The following DERA variants were observed in gnomAD, a reference collection of about 807,000 sequenced individuals.
The protein encoded by DERA is deoxyribose-phosphate aldolase, also known as 2-deoxy-D-ribose 5-phosphate aldolase.
A neutral mutation model predicts 41.1 loss-of-function variants in DERA; 15 were observed. That is an observed-to-expected ratio of 0.37 (90% CI 0.24 to 0.56). DERA has a LOEUF of 0.56. DERA is among the 20% of genes least tolerant of loss of function. DERA has a pLI of 0.81. For missense variants in DERA, 396 were observed against 403.4 expected (o/e 0.98, Z 0.16); for synonymous variants, 139 against 137.4 (o/e 1.01, Z -0.08).
chr12:15,982,660 C>T lies in DERA; in HGVS notation c.637+224C>T, dbSNP rs114566851. On this transcript the variant is annotated intron_variant, in intron 6 of 8. Transcript: ENST00000428559. The surrounding 1 kb of genome is among the most constrained non-coding windows in gnomAD (Gnocchi z 4.0). ...GTGTGTGTGGCATTTCATTGCTGCACTATGCTTATAAGGCAGTAGATGGCT... is the reference window on the plus strand; with the variant it reads ...GTGTGTGTGGCATTTCATTGCTGCATTATGCTTATAAGGCAGTAGATGGCT... 0.018 allele frequency among the ~76,000 whole-genome samples: 2,718 copies of T among 152,214 alleles called. 88 individuals carry two copies. The highest frequency in any genetic ancestry group is 0.063 in the African/African-American group (2,600 of 41,514).
chr12:15,976,582 A>G lies in DERA; in HGVS notation c.509-5726A>G, dbSNP rs1014548413. ...GCTCCCAAAGATAGAGTTCAGAATCATCTTTCTAAATCAACAAGAGGCTCT... is the reference window on the plus strand; with the variant it reads ...GCTCCCAAAGATAGAGTTCAGAATCGTCTTTCTAAATCAACAAGAGGCTCT... On this transcript the variant is annotated intron_variant, in intron 5 of 8. Coordinates refer to ENST00000428559, the MANE Select transcript of DERA (RefSeq NM_015954.4). The surrounding 1 kb of genome is among the most constrained non-coding windows in gnomAD (Gnocchi z 4.1). 6.6e-5 allele frequency among the ~76,000 whole-genome samples: 10 copies of G among 152,200 alleles called. No individual in the cohort carries two copies. Among genetic ancestry groups the G allele is most frequent in the African/African-American group, 2.2e-4 (9 of 41,448 alleles).
rs996331184 is a variant in DERA, at chr12:15,983,814, G to A, written c.637+1378G>A. Among the ~76,000 whole-genome samples, 4 of 152,240 alleles carry A rather than the reference G, an allele frequency of 2.6e-5. No individual in the cohort carries two copies. The highest frequency in any genetic ancestry group is 2.6e-4 in the Admixed American group (4 of 15,292). On this transcript the variant is annotated intron_variant, in intron 6 of 8. Coordinates refer to ENST00000428559, the MANE Select transcript of DERA (RefSeq NM_015954.4). This position sits in a 1 kb window ranked among gnomAD's most constrained non-coding sequence, Gnocchi z 6.2. ...TAGTCAGCAATGGTGCTGTTGCTCT[G>A]GGCACAACTGCTGTATCTAGAAAAT...
chr12:15,924,516 T>A lies in DERA; in HGVS notation c.31+13102T>A, dbSNP rs1948268173. Among the ~76,000 whole-genome samples the A allele has an allele frequency of 6.6e-6, 1 of 152,242 alleles. No individual in the cohort carries two copies. Among genetic ancestry groups the A allele is most frequent in the Non-Finnish European group, 1.5e-5 (1 of 68,046 alleles). Reference sequence around the variant, plus strand: ...CTTGGGTTTTTGAATTATAGAGATCTGTGTTTCCATCTTAGCCCTGACAAG... The same window carrying A: ...CTTGGGTTTTTGAATTATAGAGATCAGTGTTTCCATCTTAGCCCTGACAAG... On this transcript the variant is annotated intron_variant, in intron 1 of 8. Coordinates refer to ENST00000428559, the MANE Select transcript of DERA (RefSeq NM_015954.4). The surrounding 1 kb of genome is among the most constrained non-coding windows in gnomAD (Gnocchi z 5.0).
intron 6 of DERA, among the ~76,000 whole-genome samples, chr12:16,005,753 A>T (rs1948906087): frequency 6.6e-6 from 1 of 152,218 alleles, no homozygotes; most frequent in Non-Finnish European, 1.5e-5. Context: ...AGTATGGCTA[A>T]GTTCTTCTCG....
Position 15,918,614 on chromosome 12 carries a change from G to T in DERA, c.31+7200G>T, listed in dbSNP as rs1565582788. Among the ~76,000 whole-genome samples, 1 of 152,192 alleles carries T rather than the reference G, an allele frequency of 6.6e-6. No homozygotes were observed. Among genetic ancestry groups the T allele is most frequent in the Non-Finnish European group, 1.5e-5 (1 of 68,042 alleles). Reference sequence around the variant, plus strand: ...TATTTTAAAAACCTTTATGTGGAGTGCCTGCTGTTCCTGGCACTTGTTACT... The same window carrying T: ...TATTTTAAAAACCTTTATGTGGAGTTCCTGCTGTTCCTGGCACTTGTTACT... On this transcript the variant is annotated intron_variant, in intron 1 of 8. Coordinates refer to ENST00000428559, the MANE Select transcript of DERA (RefSeq NM_015954.4). The surrounding 1 kb of genome is among the most constrained non-coding windows in gnomAD (Gnocchi z 4.3).
chr12:16,014,866 C>T lies in DERA; in HGVS notation c.638-17676C>T, dbSNP rs924339714. Among the ~76,000 whole-genome samples, 1 of 152,216 alleles carries T rather than the reference C, an allele frequency of 6.6e-6. No individual in the cohort carries two copies. The highest frequency in any genetic ancestry group is 1.5e-5 in the Non-Finnish European group (1 of 68,034). On this transcript the variant is annotated intron_variant, in intron 6 of 8. Transcript: ENST00000428559. The surrounding 1 kb of genome is among the most constrained non-coding windows in gnomAD (Gnocchi z 5.4). ...GGAGCTGCCCAAGACCATTGGAACCCACCTCTGCATCAGCGTGACCTTGAT... is the reference window on the plus strand; with the variant it reads ...GGAGCTGCCCAAGACCATTGGAACCTACCTCTGCATCAGCGTGACCTTGAT...
Position 15,913,688 on chromosome 12 carries a change from T to C in DERA, c.31+2274T>C, listed in dbSNP as rs1351480477. On this transcript the variant is annotated intron_variant, in intron 1 of 8. Coordinates refer to ENST00000428559, the MANE Select transcript of DERA (RefSeq NM_015954.4). This position sits in a 1 kb window ranked among gnomAD's most constrained non-coding sequence, Gnocchi z 4.5. ...GGACTTAAAAAAACATTGAGTTCCTTTGAGACTAAACCTGACCCTCATGAT... is the reference window on the plus strand; with the variant it reads ...GGACTTAAAAAAACATTGAGTTCCTCTGAGACTAAACCTGACCCTCATGAT... Among the ~76,000 whole-genome samples, 1 of 152,198 alleles carries C rather than the reference T, an allele frequency of 6.6e-6. No homozygotes were observed. Among genetic ancestry groups the C allele is most frequent in the Non-Finnish European group, 1.5e-5 (1 of 68,042 alleles).
intron 1 of DERA, among the ~76,000 whole-genome samples, chr12:15,937,215 C>T (rs2136134175): frequency 6.6e-6 from 1 of 152,284 alleles, no homozygotes; most frequent in South Asian, 2.1e-4. Context: ...CTTGGCTTTC[C>T]AAAGTGCTAA....
Position 16,036,503 on chromosome 12 carries a change from C to G in DERA, c.900+122C>G. 8.1e-7 allele frequency: 1 copy of G among 1,232,126 alleles called. No individual in the cohort carries two copies. The highest frequency in any genetic ancestry group is 1.1e-6 in the Non-Finnish European group (1 of 892,596). 76.3% of individuals were successfully genotyped at this position (1,232,126 alleles called of 1,614,324 possible). ...GATTGACCTCATCCTACCCAATCCT[C>G]TACCTTTTCTTCCAAGCAAACCGCC... is the stretch of plus-strand genomic sequence containing the variant. On this transcript the variant is annotated intron_variant, in intron 8 of 8. Transcript: ENST00000428559. The surrounding 1 kb of genome is among the most constrained non-coding windows in gnomAD (Gnocchi z 4.9).
chr12:16,025,912 C>T (rs1477667760), intron 6 of DERA, among the ~76,000 whole-genome samples: 1 of 151,904 alleles, frequency 6.6e-6, no homozygotes, highest in Non-Finnish European at 1.5e-5. Flanking sequence ...TGAAAGATCC[C>T]CAAATGTTTG....
chr12:15,935,313 C>G lies in DERA; in HGVS notation c.32-21623C>G, dbSNP rs1366805121. On this transcript the variant is annotated intron_variant, in intron 1 of 8. Transcript: ENST00000428559. This position sits in a 1 kb window ranked among gnomAD's most constrained non-coding sequence, Gnocchi z 4.8. ...ACCACCCTGGGCAACATGGCAAAAC[C>G]CTGTCTCTACAAAAAATATAAAAAT... Among the ~76,000 whole-genome samples, 6 of 151,962 alleles carry G rather than the reference C, an allele frequency of 3.9e-5. No homozygotes were observed. Among genetic ancestry groups the G allele is most frequent in the Non-Finnish European group, 7.4e-5 (5 of 67,986 alleles).
At position 15,911,480 on chromosome 12, in the gene DERA, G is replaced by GGCCTGCTGCCGCCCAGT; in HGVS notation, c.31+70_31+86dup. The GGCCTGCTGCCGCCCAGT allele has an allele frequency of 7.3e-7, 1 of 1,376,512 alleles. No individual in the cohort carries two copies. Among genetic ancestry groups the GGCCTGCTGCCGCCCAGT allele is most frequent in the Non-Finnish European group, 9.5e-7 (1 of 1,053,566 alleles). 85.3% of individuals were successfully genotyped at this position (1,376,512 alleles called of 1,614,324 possible). A position where few individuals can be genotyped will look rare whatever the true frequency, so the allele number is the denominator to read the frequency against. On this transcript the variant is annotated intron_variant, in intron 1 of 8. Transcript: ENST00000428559. This position sits in a 1 kb window ranked among gnomAD's most constrained non-coding sequence, Gnocchi z 4.5. ...TTCAGCGCCGCCGGGACTAGCGCGGGGCCTGCTGCCGCCCAGTGCCCTGGC... is the reference window on the plus strand; with the variant it reads ...TTCAGCGCCGCCGGGACTAGCGCGGGGCCTGCTGCCGCCCAGTGCCTGCTGCCGCCCAGTGCCCTGGC...
Position 15,978,856 on chromosome 12 carries a change from C to T in DERA, c.509-3452C>T, listed in dbSNP as rs118145751. 1.7e-3 allele frequency among the ~76,000 whole-genome samples: 254 copies of T among 152,270 alleles called. 6 individuals carry two copies. The East Asian group carries it at 0.045, about 27-fold the overall frequency. On this transcript the variant is annotated intron_variant, in intron 5 of 8. Coordinates refer to ENST00000428559, the MANE Select transcript of DERA (RefSeq NM_015954.4). ...AACTTTGAAAACAGGAACTGACATT[C>T]CTTGAGCATGAACAATGTGCTGGAT...
rs1949017242 is a variant in DERA at position 16,021,538 on chromosome 12, T to C, written c.638-11004T>C. On this transcript the variant is annotated intron_variant, in intron 6 of 8. Transcript: ENST00000428559. This position sits in a 1 kb window ranked among gnomAD's most constrained non-coding sequence, Gnocchi z 5.3. ...CCACACAGAGTCTCCACTGCAGCGC[T>C]GTCTTAGTGGAATTGTGGGAATGGG... Among the ~76,000 whole-genome samples, 1 of 152,196 alleles carries C rather than the reference T, an allele frequency of 6.6e-6. No homozygotes were observed. The highest frequency in any genetic ancestry group is 1.5e-5 in the Non-Finnish European group (1 of 68,030).
intron 1 of DERA, among the ~76,000 whole-genome samples, chr12:15,930,949 G>C (rs1200785471): frequency 6.6e-6 from 1 of 152,120 alleles, no homozygotes; most frequent in Non-Finnish European, 1.5e-5. Flanking sequence ...AGGGCAGTAA[G>C]TTTCAGGAAA....
intron 1 of DERA, 187 bp from the exon 2 acceptor site, chr12:15,956,749 A>G: frequency 1.5e-6 from 1 of 683,480 alleles, no homozygotes; most frequent in Non-Finnish European, 2.7e-6. Context: ...TGCATGAAGT[A>G]TGCCTTTTGT....
rs755843044 is a variant in DERA at position 15,962,902 on chromosome 12, G to A, written c.463G>A (p.Asp155Asn). 6.9e-6 allele frequency: 11 copies of A among 1,599,970 alleles called. No homozygotes were observed. The highest frequency in any genetic ancestry group is 3.3e-4 in the Middle Eastern group (2 of 6,070). Residue 155 changes from aspartate (D) to asparagine (N), a missense_variant, in exon 5 of 9, where the codon GAC becomes AAC. Asp to Asn is a conservative substitution (Grantham distance 23). Transcript: ENST00000428559. ...LAVEDGATEI[D>N]VVINRSLVLT... is the part of the protein sequence containing the mutation. ...TGTGGAAGATGGAGCTACAGAAATC[G>A]ACGTGGTAATTAACAGAAGCTTGGT...
In DERA at chr12:15,998,070, A is replaced by G. The variant is rs1227317805; in HGVS notation, c.637+15634A>G. Among the ~76,000 whole-genome samples the G allele has an allele frequency of 6.6e-6, 1 of 152,242 alleles. No individual in the cohort carries two copies. The highest frequency in any genetic ancestry group is 6.5e-5 in the Admixed American group (1 of 15,292). On this transcript the variant is annotated intron_variant, in intron 6 of 8. Coordinates refer to ENST00000428559, the MANE Select transcript of DERA (RefSeq NM_015954.4). The surrounding 1 kb of genome is among the most constrained non-coding windows in gnomAD (Gnocchi z 4.8). Reference sequence around the variant, plus strand: ...TAACTAAAGTCAAAACACAGAGTCTAGAACAAGGTTCTCAACCTGGGCTGC... The same window carrying G: ...TAACTAAAGTCAAAACACAGAGTCTGGAACAAGGTTCTCAACCTGGGCTGC...
rs575380396 is a variant in DERA at position 15,976,717 on chromosome 12, T to C, written c.509-5591T>C. The stretch of plus-strand genomic sequence containing the variant: ...CTGAAGGAAAAATGATTGATTACCT[T>C]CCTAACCGTTTTAATACTTTTATAT... On this transcript the variant is annotated intron_variant, in intron 5 of 8. Transcript: ENST00000428559. This position sits in a 1 kb window ranked among gnomAD's most constrained non-coding sequence, Gnocchi z 4.1. Among the ~76,000 whole-genome samples, 2 of 152,204 alleles carry C rather than the reference T, an allele frequency of 1.3e-5. No homozygotes were observed. Among genetic ancestry groups the C allele is most frequent in the Non-Finnish European group, 2.9e-5 (2 of 68,050 alleles).
Sources: gnomAD v4.1 joint callset for allele counts (sites outside exome capture counted in the v4.1 genomes callset) on GRCh38, gnomAD v4.1.1 for gene constraint, Gnocchi (gnomAD v3.1) non-coding constraint, MANE v1.5 for transcripts, NCBI Gene and HGNC (gene_info 2026-07-23, HGNC 2026-07-21) for gene names.